UGGT2: variants seen among roughly 807,000 people sequenced by gnomAD.
UGGT2 encodes UDP-glucose:glycoprotein glucosyltransferase 2.
A neutral mutation model predicts 192.1 loss-of-function variants in UGGT2; 180 were observed. The observed-to-expected ratio is 0.94, with a 90% confidence interval of 0.83 to 1.06. The LOEUF (loss-of-function observed/expected upper bound fraction) is 1.06. Ranked by LOEUF, UGGT2 falls within the 50% of genes least tolerant of loss-of-function variation. UGGT2 has a pLI of 0.00. For synonymous variants in UGGT2, 580 were observed against 591.0 expected (o/e 0.98, Z 0.27); for missense variants, 1,849 against 1,795.7 (o/e 1.03, Z -0.54).
chr13:95,867,472 A>C, intron 29 of UGGT2, 49 bp from the exon 30 acceptor site: 1 of 1,437,902 alleles, frequency 7.0e-7, no homozygotes, highest in Non-Finnish European at 9.6e-7. Flanking sequence ...TAGACATACA[A>C]TTATGATGGC....
intron 11 of UGGT2, among the ~76,000 whole-genome samples, chr13:95,971,827 T>A (rs1158732772): frequency 6.6e-6 from 1 of 152,172 alleles, no homozygotes; most frequent in Non-Finnish European, 1.5e-5. Flanking sequence ...TAAAACTACT[T>A]CTCAGTCTTT....
At chr13:95,966,131 T>C (rs1011888471) in intron 12 of UGGT2, among the ~76,000 whole-genome samples, 2 of 152,208 alleles carry the variant, frequency 1.3e-5, no homozygotes, top group African/African-American at 2.4e-5. Context: ...AGCAAACATA[T>C]ATAATCAACG....
At chr13:95,927,385 T>C in intron 17 of UGGT2, 49 bp from the exon 18 acceptor site, 2 of 1,499,488 alleles carry the variant, frequency 1.3e-6, no homozygotes, top group East Asian at 2.3e-5. Context: ...TTTATATCCA[T>C]GTTTCAAAAA....
intron 7 of UGGT2, chr13:95,995,785 C>A: frequency 2.6e-6 from 1 of 389,784 alleles, no homozygotes; most frequent in African/African-American, 2.1e-5. Flanking sequence ...AAAATATTCA[C>A]AGAAAGACTG....
At chr13:95,842,549 C>T (rs1333699223) in intron 36 of UGGT2, among the ~76,000 whole-genome samples, 1 of 152,122 alleles carries the variant, frequency 6.6e-6, no homozygotes, top group Non-Finnish European at 1.5e-5. Context: ...TCCATTCTCT[C>T]GTGCAATTCC....
chr13:95,959,075 C>A (rs2050305035), intron 12 of UGGT2, among the ~76,000 whole-genome samples: 1 of 152,192 alleles, frequency 6.6e-6, no homozygotes, highest in Non-Finnish European at 1.5e-5. Context: ...CTCCCACAGA[C>A]TGTGTCCTGC....
chr13:95,837,085 C>G lies in UGGT2; in HGVS notation c.4401+1G>C, dbSNP rs754187759. The G allele has an allele frequency of 8.8e-6, 14 of 1,596,602 alleles. No homozygotes were observed. The African/African-American group carries it at 1.7e-4, about 20-fold the overall frequency. On this transcript the variant is annotated splice_donor_variant, in intron 37 of 38. Transcript: ENST00000376747. LOFTEE classifies it high-confidence loss of function. Reference sequence around the variant, plus strand: ...ATACAAATGAAAACAAAGACACTCACCAGATCAATTGTTTTGGCTCTTTGT... The same window carrying G: ...ATACAAATGAAAACAAAGACACTCAGCAGATCAATTGTTTTGGCTCTTTGT...
rs202092262 is a variant in UGGT2, at chr13:95,869,034, C to T, written c.3474-1611G>A. Among the ~76,000 whole-genome samples the T allele has an allele frequency of 3.7e-5, 5 of 136,412 alleles. No individual in the cohort carries two copies. The South Asian group carries it at 1.1e-3, about 30-fold the overall frequency. The allele number at this position is 136,412 out of a possible 152,430, so 89.5% of individuals were successfully genotyped here. ...ATATCTCCTAATGCTATCCCTCCCC[C>T]CTCCCCTCACCCCACAACAGGCCCC... On this transcript the variant is annotated intron_variant, in intron 29 of 38. Coordinates refer to ENST00000376747, the MANE Select transcript of UGGT2 (RefSeq NM_020121.4).
intron 22 of UGGT2, among the ~76,000 whole-genome samples, chr13:95,898,688 G>A (rs1336419291): frequency 6.6e-6 from 1 of 152,032 alleles, no homozygotes; most frequent in East Asian, 1.9e-4. Context: ...ATGGACTAAT[G>A]CCACTATAAA....
At chr13:96,005,038 T>A (rs1033040549) in intron 5 of UGGT2, among the ~76,000 whole-genome samples, 3 of 152,140 alleles carry the variant, frequency 2.0e-5, no homozygotes, top group African/African-American at 4.8e-5. Context: ...AACAAAATAA[T>A]CTTCAACTTT....
chr13:95,803,064 G>A (rs1398499868), intron 38 of UGGT2, among the ~76,000 whole-genome samples: 1 of 152,064 alleles, frequency 6.6e-6, no homozygotes, highest in African/African-American at 2.4e-5. Context: ...TCGATCTCCT[G>A]ACCTCGTGAT....
intron 20 of UGGT2, among the ~76,000 whole-genome samples, chr13:95,904,370 T>C (rs934477248): frequency 6.6e-6 from 1 of 151,790 alleles, no homozygotes; most frequent in Non-Finnish European, 1.5e-5. Context: ...TGTATACATG[T>C]GCCATGCTGG....
chr13:95,833,424 A>G (rs79955239), intron 37 of UGGT2, among the ~76,000 whole-genome samples: 243 of 152,258 alleles, frequency 1.6e-3, no homozygotes, highest in African/African-American at 5.4e-3. Flanking sequence ...TGGAAATGGC[A>G]TCTCGGTTCT....
intron 36 of UGGT2, among the ~76,000 whole-genome samples, chr13:95,849,097 TTTTC>T (rs1469899549): frequency 6.6e-6 from 1 of 152,148 alleles, no homozygotes; most frequent in African/African-American, 2.4e-5. Flanking sequence ...AAAAATGACT[TTTTC>T]TTTGTCATAT....
rs374348553 is a variant in UGGT2, at chr13:96,046,720, C to T, written c.158+6435G>A. ...AGGTCGGGGAATTCCCTTTCCTAGC[C>T]AAGGGAAGCCGTGACAGATGGCACC... On this transcript the variant is annotated intron_variant, in intron 1 of 38. Transcript: ENST00000376747. Among the ~76,000 whole-genome samples, 6 of 152,312 alleles carry T rather than the reference C, an allele frequency of 3.9e-5. No homozygotes were observed. The East Asian group carries it at 7.7e-4, about 20-fold the overall frequency.
intron 29 of UGGT2, 100 bp from the exon 30 acceptor site, chr13:95,867,523 T>C (rs928340608): frequency 1.2e-6 from 1 of 850,568 alleles, no homozygotes. Flanking sequence ...GTAAGTCCAA[T>C]AACACTAGTG....
intron 15 of UGGT2, among the ~76,000 whole-genome samples, chr13:95,942,874 G>A (rs1290816725): frequency 1.3e-5 from 2 of 152,136 alleles, no homozygotes; most frequent in African/African-American, 4.8e-5. Flanking sequence ...TTACCTTGAG[G>A]TCCTAACTTC....
chr13:95,802,272 A>G (rs1884096210), intron 38 of UGGT2, among the ~76,000 whole-genome samples: 2 of 152,250 alleles, frequency 1.3e-5, no homozygotes, highest in Non-Finnish European at 2.9e-5. Flanking sequence ...TAAGTACTAC[A>G]TAAATGCAAG....
chr13:95,867,481 G>T, intron 29 of UGGT2, 58 bp from the exon 30 acceptor site: 2 of 1,379,090 alleles, frequency 1.5e-6, no homozygotes, highest in Non-Finnish European at 2.0e-6. Flanking sequence ...AATTATGATG[G>T]CATAACAGAA....
Sources: gnomAD v4.1 joint callset for allele counts (sites outside exome capture counted in the v4.1 genomes callset) on GRCh38, gnomAD v4.1.1 for gene constraint, MANE v1.5 for transcripts, NCBI Gene and HGNC (gene_info 2026-07-23, HGNC 2026-07-21) for gene names.